THSD7A: variants seen among roughly 807,000 people sequenced by gnomAD.
The protein encoded by THSD7A is thrombospondin type 1 domain containing 7A.
Under a neutral mutation model 231.3 loss-of-function variants are expected in THSD7A, and 96 were observed. The ratio of observed to expected loss-of-function variants is 0.41; its 90% CI spans 0.35 to 0.49. The LOEUF is 0.49. Ranked by LOEUF, THSD7A falls within the 20% of genes least tolerant of loss-of-function variation. The pLI is 0.05. For synonymous variants in THSD7A, 940 were observed against 743.3 expected (o/e 1.26, Z -4.30); for missense variants, 2,290 against 2,070.2 (o/e 1.11, Z -2.06).
chr7:11,551,165 C>T (rs572876924), intron 4 of THSD7A, among the ~76,000 whole-genome samples: 5 of 152,098 alleles, frequency 3.3e-5, no homozygotes, highest in Admixed American at 3.3e-4. Flanking sequence ...AACTCTACCC[C>T]TTCCTTTCAC....
At chr7:11,448,620 G>A (rs546964281) in intron 11 of THSD7A, among the ~76,000 whole-genome samples, 22 of 152,200 alleles carry the variant, frequency 1.4e-4, no homozygotes, top group African/African-American at 3.1e-4. Flanking sequence ...AGACAACACC[G>A]TCTGGATCTG....
Position 11,371,899 on chromosome 7 carries a change from T to A in THSD7A, c.*3895A>T, listed in dbSNP as rs1782069572. ...GGAAGGAAATATAGGAATTCTTTTTTTTTTAATTAAAAAATTGGGCATGTT... is the reference window on the plus strand; with the variant it reads ...GGAAGGAAATATAGGAATTCTTTTTATTTTAATTAAAAAATTGGGCATGTT... On this transcript the variant is annotated 3_prime_UTR_variant, in exon 28 of 28. Transcript: ENST00000423059. 6.6e-6 allele frequency: 1 copy of A among 151,992 alleles called. No individual in the cohort carries two copies. The highest frequency in any genetic ancestry group is 6.6e-5 in the Admixed American group (1 of 15,208). 9.4% of individuals were successfully genotyped at this position (151,992 alleles called of 1,614,324 possible). A position where few individuals can be genotyped will look rare whatever the true frequency, so the allele number is the denominator to read the frequency against.
At chr7:11,743,198 A>G (rs1425646816) in intron 1 of THSD7A, among the ~76,000 whole-genome samples, 1 of 151,932 alleles carries the variant, frequency 6.6e-6, no homozygotes, top group Non-Finnish European at 1.5e-5. Context: ...TGAGATACTT[A>G]GCAATGCGTT....
intron 6 of THSD7A, among the ~76,000 whole-genome samples, chr7:11,532,490 A>G (rs1473766691): frequency 2.6e-5 from 4 of 152,188 alleles, no homozygotes; most frequent in African/African-American, 4.8e-5. Flanking sequence ...ACAGATATTA[A>G]ATAATAAATT....
intron 3 of THSD7A, among the ~76,000 whole-genome samples, chr7:11,591,632 T>C (rs761554766): frequency 1.2e-4 from 19 of 152,212 alleles, no homozygotes; most frequent in Non-Finnish European, 2.5e-4. Flanking sequence ...ATGAACTTCA[T>C]GCCTGTTTTT....
intron 4 of THSD7A, among the ~76,000 whole-genome samples, chr7:11,566,143 T>A (rs12540394): frequency 0.23 from 34,859 of 151,408 alleles, 4,528 homozygotes; most frequent in Admixed American, 0.41. Flanking sequence ...AGTGTCAACA[T>A]TGCCCACAGA....
chr7:11,595,721 T>C (rs1374876040), intron 2 of THSD7A, among the ~76,000 whole-genome samples: 3 of 152,194 alleles, frequency 2.0e-5, no homozygotes, highest in Non-Finnish European at 4.4e-5. Context: ...AGTCCAGTAA[T>C]TGCTCTTCTC....
At chr7:11,568,959 A>G (rs7789469) in intron 4 of THSD7A, among the ~76,000 whole-genome samples, 2,077 of 149,128 alleles carry the variant, frequency 0.014, 52 homozygotes, top group African/African-American at 0.048. Flanking sequence ...AAAGAAATCA[A>G]GAAAGCAATC....
At position 11,476,318 on chromosome 7, in the gene THSD7A, T is replaced by TACACAC. The variant is rs59127235; in HGVS notation, c.2018-1756_2018-1751dup. 7.2e-3 allele frequency among the ~76,000 whole-genome samples: 995 copies of TACACAC among 137,368 alleles called. 7 individuals are homozygous for TACACAC. Among genetic ancestry groups the TACACAC allele is most frequent in the African/African-American group, 0.011 (409 of 37,586 alleles). 90.1% of individuals were successfully genotyped at this position (137,368 alleles called of 152,430 possible). On this transcript the variant is annotated intron_variant, in intron 7 of 27. Coordinates refer to ENST00000423059, the MANE Select transcript of THSD7A (RefSeq NM_015204.3). ...AACCAGAAGTCAAGCCTCTGGAAGA[T>TACACAC]ACACACACACACACACACACACACA... is the stretch of plus-strand genomic sequence containing the variant.
At chr7:11,436,005 A>G (rs985434673) in intron 13 of THSD7A, among the ~76,000 whole-genome samples, 3 of 152,122 alleles carry the variant, frequency 2.0e-5, no homozygotes, top group Admixed American at 2.0e-4. Flanking sequence ...AAACTTATAT[A>G]TGTAAGAACC....
chr7:11,651,525 A>ATCTATCTT (rs1782508707), intron 1 of THSD7A, among the ~76,000 whole-genome samples: 1 of 150,838 alleles, frequency 6.6e-6, no homozygotes, highest in Admixed American at 6.6e-5. Context: ...CTATCTATCT[A>ATCTATCTT]GCACTACAAT....
chr7:11,782,355 C>A (rs531668525), intron 1 of THSD7A, among the ~76,000 whole-genome samples: 1 of 152,026 alleles, frequency 6.6e-6, no homozygotes, highest in Non-Finnish European at 1.5e-5. Flanking sequence ...TCGAGATGGG[C>A]CTATGATGTC....
chr7:11,758,719 C>A (rs910425003), intron 1 of THSD7A, among the ~76,000 whole-genome samples: 1 of 152,006 alleles, frequency 6.6e-6, no homozygotes, highest in African/African-American at 2.4e-5. Context: ...AAGCCACAAT[C>A]CTATCTTTAA....
chr7:11,415,985 G>A (rs1480522210), intron 17 of THSD7A, among the ~76,000 whole-genome samples: 1 of 152,062 alleles, frequency 6.6e-6, no homozygotes, highest in African/African-American at 2.4e-5. Context: ...AACCTGTTCT[G>A]GTTTGCGAGG....
At chr7:11,558,865 GT>G (rs1477055687) in intron 4 of THSD7A, among the ~76,000 whole-genome samples, 1 of 152,136 alleles carries the variant, frequency 6.6e-6, no homozygotes, top group Non-Finnish European at 1.5e-5. Flanking sequence ...GTGATTAAAG[GT>G]TTAAAACTTG....
chr7:11,761,523 T>C (rs1289127873), intron 1 of THSD7A, among the ~76,000 whole-genome samples: 1 of 152,158 alleles, frequency 6.6e-6, no homozygotes, highest in Non-Finnish European at 1.5e-5. Context: ...TGTATATATA[T>C]GTAATGCATA....
At chr7:11,654,561 A>G (rs542807080) in intron 1 of THSD7A, among the ~76,000 whole-genome samples, 2 of 152,080 alleles carry the variant, frequency 1.3e-5, no homozygotes, top group South Asian at 4.1e-4. Context: ...TTGTTTCTAT[A>G]CATACTTGTT....
At chr7:11,379,747 A>G (rs765551975) in intron 24 of THSD7A, 35 bp from the exon 25 acceptor site, 1 of 1,547,384 alleles carries the variant, frequency 6.5e-7, no homozygotes, top group African/African-American at 1.4e-5. Context: ...GACAAATAAT[A>G]TATTTTGCTA....
chr7:11,409,071 A>G (rs1368061305), intron 19 of THSD7A, among the ~76,000 whole-genome samples: 1 of 152,190 alleles, frequency 6.6e-6, no homozygotes. Context: ...TCTCTCTTTT[A>G]ATTTGCTCTC....
Sources: gnomAD v4.1 joint callset for allele counts (sites outside exome capture counted in the v4.1 genomes callset) on GRCh38, gnomAD v4.1.1 for gene constraint, MANE v1.5 for transcripts, NCBI Gene and HGNC (gene_info 2026-07-23, HGNC 2026-07-21) for gene names.